Variants in NXPE4 observed in about 807,000 individuals in gnomAD.
NXPE4 encodes the protein neurexophilin and PC-esterase domain family member 4.
NXPE4 carries 42 observed loss-of-function variants against 33.3 expected under a neutral mutation model. The ratio of observed to expected loss-of-function variants is 1.26; its 90% confidence interval spans 0.98 to 1.63. The LOEUF is 1.63. Ranked by LOEUF, NXPE4 falls within the 40% of genes most tolerant of loss-of-function variation. The pLI is 0.00. For synonymous variants in NXPE4, 253 were observed against 234.9 expected, an observed-to-expected ratio of 1.08 and a Z score of -0.71; for missense variants, 709 against 647.6, an observed-to-expected ratio of 1.09 and a Z score of -1.03.
the NXPE4 span, among the ~76,000 whole-genome samples, chr11:114,641,320 G>T: frequency 6.6e-6 from 1 of 151,948 alleles, no homozygotes; most frequent in African/African-American, 2.4e-5. Context: ...AGTGAAAAGT[G>T]GAGAAGCAAT....
the NXPE4 span, among the ~76,000 whole-genome samples, chr11:114,619,766 T>A: frequency 6.6e-6 from 1 of 152,264 alleles, no homozygotes; most frequent in African/African-American, 2.4e-5. Flanking sequence ...GTAACCACTG[T>A]TACCAGGTGG....
At chr11:114,635,448 C>T in the NXPE4 span, among the ~76,000 whole-genome samples, 1 of 151,570 alleles carries the variant, frequency 6.6e-6, no homozygotes, top group African/African-American at 2.4e-5. Context: ...TAATTGAATA[C>T]CCTTTATTTC....
the NXPE4 span, among the ~76,000 whole-genome samples, chr11:114,650,695 A>G: frequency 4.6e-5 from 7 of 152,298 alleles, no homozygotes; most frequent in South Asian, 6.2e-4. Context: ...TGCTACCATC[A>G]TAAGTAGGGC....
At chr11:114,595,078 A>G (rs1248196505) in intron 1 of NXPE4, among the ~76,000 whole-genome samples, 1 of 152,082 alleles carries the variant, frequency 6.6e-6, no homozygotes, top group Non-Finnish European at 1.5e-5. Context: ...TCTCCAGACT[A>G]TTTGTCACCT....
the NXPE4 span, among the ~76,000 whole-genome samples, chr11:114,633,072 T>C: frequency 8.4e-6 from 1 of 118,752 alleles, no homozygotes; most frequent in Non-Finnish European, 1.6e-5. Flanking sequence ...ATTTTGTTTT[T>C]TATAATTTAT....
At chr11:114,629,893 C>G in the NXPE4 span, among the ~76,000 whole-genome samples, 9 of 150,038 alleles carry the variant, frequency 6.0e-5, no homozygotes, top group Admixed American at 6.0e-4. Flanking sequence ...AAACAGAGAG[C>G]CAAATCATGA....
the NXPE4 span, among the ~76,000 whole-genome samples, chr11:114,646,334 A>G: frequency 1.3e-5 from 2 of 151,722 alleles, no homozygotes; most frequent in Non-Finnish European, 2.9e-5. Flanking sequence ...AAATATAAAT[A>G]ACTTAATCAA....
the NXPE4 span, among the ~76,000 whole-genome samples, chr11:114,602,919 TAATC>T: frequency 2.1e-4 from 31 of 149,074 alleles, no homozygotes; most frequent in African/African-American, 7.6e-4. Flanking sequence ...TCATATATAA[TAATC>T]TAATATATAA....
At chr11:114,635,893 C>G in the NXPE4 span, among the ~76,000 whole-genome samples, 1 of 152,028 alleles carries the variant, frequency 6.6e-6, no homozygotes. Flanking sequence ...ATTTTTGCAT[C>G]AATGTTCATC....
chr11:114,612,008 G>T, the NXPE4 span, among the ~76,000 whole-genome samples: 3 of 151,788 alleles, frequency 2.0e-5, no homozygotes, highest in Non-Finnish European at 4.4e-5. Context: ...AATAAGTCAT[G>T]CCTCATGGGT....
chr11:114,637,778 G>T, the NXPE4 span, among the ~76,000 whole-genome samples: 3 of 152,024 alleles, frequency 2.0e-5, no homozygotes, highest in East Asian at 5.8e-4. Context: ...CTTTAAGAAT[G>T]TTGAATATTG....
upstream of NXPE4, among the ~76,000 whole-genome samples, chr11:114,596,291 G>T (rs1949571791): frequency 6.6e-6 from 1 of 152,168 alleles, no homozygotes; most frequent in Admixed American, 6.6e-5. Flanking sequence ...ATCCATCTGG[G>T]ATTTGTATTC....
chr11:114,625,894 T>C, the NXPE4 span, among the ~76,000 whole-genome samples: 2 of 152,104 alleles, frequency 1.3e-5, no homozygotes, highest in Admixed American at 6.6e-5. Context: ...TTCCCTTTCC[T>C]AGTCAAAGAA....
At chr11:114,583,834 G>T in intron 2 of NXPE4, 1 of 401,428 alleles carries the variant, frequency 2.5e-6, no homozygotes. Context: ...GCTAGGCCAG[G>T]ACTGTGTCCT....
At chr11:114,675,217 TG>T in the NXPE4 span, among the ~76,000 whole-genome samples, 1 of 151,842 alleles carries the variant, frequency 6.6e-6, no homozygotes, top group African/African-American at 2.4e-5. Context: ...TACTCAATGG[TG>T]AAAATCTAAA....
the NXPE4 span, among the ~76,000 whole-genome samples, chr11:114,622,325 T>A: frequency 1.3e-5 from 2 of 152,132 alleles, no homozygotes; most frequent in South Asian, 2.1e-4. Context: ...GAACCACTGT[T>A]ACCCAATGCA....
chr11:114,671,996 C>T, the NXPE4 span, among the ~76,000 whole-genome samples: 2 of 151,972 alleles, frequency 1.3e-5, no homozygotes, highest in Non-Finnish European at 2.9e-5. Flanking sequence ...AGAAAACTTA[C>T]AATCATGGTG....
the NXPE4 span, among the ~76,000 whole-genome samples, chr11:114,602,815 A>G: frequency 6.8e-6 from 1 of 146,102 alleles, no homozygotes; most frequent in Non-Finnish European, 1.5e-5. Context: ...TTACAGAATC[A>G]TATATAATAA....
chr11:114,663,833 A>C, the NXPE4 span, among the ~76,000 whole-genome samples: 1 of 152,174 alleles, frequency 6.6e-6, no homozygotes, highest in African/African-American at 2.4e-5. Flanking sequence ...CAGAAAAGAT[A>C]TGAGCATATA....
Sources: gnomAD v4.1 joint callset for allele counts (sites outside exome capture counted in the v4.1 genomes callset) on GRCh38, gnomAD v4.1.1 for gene constraint, MANE v1.5 for transcripts, NCBI Gene and HGNC (gene_info 2026-07-23, HGNC 2026-07-21) for gene names.